Variants in PCSK2 observed in about 807,000 individuals in gnomAD.
PCSK2 encodes neuroendocrine convertase 2.
Under a neutral mutation model 69.7 loss-of-function variants are expected in PCSK2, and 14 were observed. That is an observed-to-expected ratio of 0.20 (90% CI 0.13 to 0.31). The LOEUF (loss-of-function observed/expected upper bound fraction) is 0.31, where lower values mean the gene tolerates loss of function less well. Ranked by LOEUF, PCSK2 falls within the 10% of genes least tolerant of loss-of-function variation. The pLI, the probability that PCSK2 is intolerant of heterozygous loss-of-function variation, is 1.00. For synonymous variants in PCSK2, 307 were observed against 320.7 expected, an observed-to-expected ratio of 0.96 and a Z score of 0.46; for missense variants, 544 against 842.5, an observed-to-expected ratio of 0.65 and a Z score of 4.39.
At chr20:17,245,222 A>G (rs1031220340) in intron 1 of PCSK2, among the ~76,000 whole-genome samples, 25 of 152,236 alleles carry the variant, frequency 1.6e-4, no homozygotes, top group African/African-American at 5.8e-4. Flanking sequence ...CTGAGATTCT[A>G]TGAAGTGCAC....
intron 2 of PCSK2, among the ~76,000 whole-genome samples, chr20:17,299,738 T>C (rs1339183898): frequency 6.6e-6 from 1 of 152,208 alleles, no homozygotes; most frequent in Non-Finnish European, 1.5e-5. Flanking sequence ...TCACATAATC[T>C]GCCATTCTTC....
intron 2 of PCSK2, among the ~76,000 whole-genome samples, chr20:17,274,907 C>CA (rs1356917232): frequency 6.6e-6 from 1 of 152,022 alleles, no homozygotes; most frequent in East Asian, 1.9e-4. Context: ...CAAGACACTA[C>CA]ACCCCAGCAG....
intron 5 of PCSK2, among the ~76,000 whole-genome samples, chr20:17,394,481 G>C (rs1049989644): frequency 6.6e-6 from 1 of 152,182 alleles, no homozygotes; most frequent in African/African-American, 2.4e-5. Flanking sequence ...GGATGGAAAA[G>C]TGAGGGACAT....
chr20:17,333,919 A>AGATTTGTG (rs1464616481), intron 2 of PCSK2, among the ~76,000 whole-genome samples: 1 of 135,920 alleles, frequency 7.4e-6, no homozygotes, highest in African/African-American at 2.6e-5. Context: ...GCATATATAT[A>AGATTTGTG]TATATATATA....
At chr20:17,362,894 T>C (rs1218759150) in intron 4 of PCSK2, among the ~76,000 whole-genome samples, 1 of 152,214 alleles carries the variant, frequency 6.6e-6, no homozygotes, top group Non-Finnish European at 1.5e-5. Context: ...GCTCCCCACA[T>C]GGTGAGGACA....
intron 5 of PCSK2, among the ~76,000 whole-genome samples, chr20:17,403,583 A>G (rs996787521): frequency 1.3e-5 from 2 of 152,216 alleles, no homozygotes; most frequent in Non-Finnish European, 2.9e-5. Context: ...TTTCTCTTTC[A>G]TTAGTCCATG....
chr20:17,311,844 TCTTTCC>T (rs1421024152), intron 2 of PCSK2, among the ~76,000 whole-genome samples: 2 of 152,114 alleles, frequency 1.3e-5, no homozygotes, highest in Non-Finnish European at 2.9e-5. Flanking sequence ...GGAATAATTC[TCTTTCC>T]CTTTCCCTAC....
intron 1 of PCSK2, 114 bp from the exon 2 acceptor site, chr20:17,260,126 C>T (rs1204555954): frequency 2.7e-5 from 19 of 699,294 alleles, no homozygotes; most frequent in South Asian, 3.2e-5. Context: ...CAGTGGTTTC[C>T]TTGCATACTT....
At chr20:17,449,545 T>TATATATATA (rs1394693452) in intron 8 of PCSK2, among the ~76,000 whole-genome samples, 3 of 149,792 alleles carry the variant, frequency 2.0e-5, no homozygotes, top group East Asian at 2.0e-4. Context: ...TATATGTATA[T>TATATATATA]TTGAGACTGA....
At chr20:17,394,365 A>G (rs994191363) in intron 5 of PCSK2, among the ~76,000 whole-genome samples, 19 of 152,204 alleles carry the variant, frequency 1.2e-4, no homozygotes, top group Non-Finnish European at 2.4e-4. Flanking sequence ...TCCTTGAACC[A>G]CTTGGAGAGA....
rs1175701022 is a variant in PCSK2 at position 17,339,895 on chromosome 20, G to A, written c.283-18432G>A. Among the ~76,000 whole-genome samples, 3 of 152,178 alleles carry A rather than the reference G, an allele frequency of 2.0e-5. No individual in the cohort carries two copies. In the East Asian group the frequency reaches 5.8e-4, roughly 29 times the overall value. On this transcript the variant is annotated intron_variant, in intron 2 of 11. Transcript: ENST00000262545. ...TAGATTACAGTGAACACTAGCAATG[G>A]ACATGTCATAAGTTAATGCTTTGAC...
chr20:17,334,700 G>C (rs1373490505), intron 2 of PCSK2, among the ~76,000 whole-genome samples: 1 of 152,200 alleles, frequency 6.6e-6, no homozygotes, highest in Non-Finnish European at 1.5e-5. Context: ...TGCTCTGAGA[G>C]AAGTAGAAGA....
intron 1 of PCSK2, among the ~76,000 whole-genome samples, chr20:17,259,637 G>A (rs904495241): frequency 2.0e-5 from 3 of 152,188 alleles, no homozygotes; most frequent in African/African-American, 7.2e-5. Flanking sequence ...TTCTCTGACT[G>A]GTTCTGACCT....
At chr20:17,267,111 C>G (rs1177377580) in intron 2 of PCSK2, among the ~76,000 whole-genome samples, 1 of 152,134 alleles carries the variant, frequency 6.6e-6, no homozygotes, top group African/African-American at 2.4e-5. Context: ...CCCAATCCAG[C>G]TCCCCATCCA....
rs966956520 is a variant in PCSK2, at chr20:17,413,294, G to A, written c.620+3955G>A. 1.1e-4 allele frequency among the ~76,000 whole-genome samples: 17 copies of A among 152,124 alleles called. No homozygotes were observed. The East Asian group carries it at 1.7e-3, about 16-fold the overall frequency. On this transcript the variant is annotated intron_variant, in intron 6 of 11. Coordinates refer to ENST00000262545, the MANE Select transcript of PCSK2 (RefSeq NM_002594.5). The stretch of plus-strand genomic sequence containing the variant: ...GCTGTATTCAGGAGACCCATCTCAC[G>A]TGCGGAGACACATATAGGCTCAAAA...
intron 2 of PCSK2, among the ~76,000 whole-genome samples, chr20:17,343,192 A>G (rs1318444057): frequency 6.6e-6 from 1 of 152,242 alleles, no homozygotes; most frequent in African/African-American, 2.4e-5. Context: ...CTGTAGCTGA[A>G]CTTCATACAA....
chr20:17,453,604 T>C lies in PCSK2; in HGVS notation c.886-138T>C. On this transcript the variant is annotated intron_variant, in intron 8 of 11. Transcript: ENST00000262545. The surrounding 1 kb of genome is among the most constrained non-coding windows in gnomAD (Gnocchi z 4.0). ...ACAATGCCCTGCCAGAAGGATATGG[T>C]GTCCAACCCAGTTTAAAAAGTGCAC... is the stretch of plus-strand genomic sequence containing the variant. The C allele has an allele frequency of 2.7e-6, 2 of 741,416 alleles. No homozygotes were observed. The highest frequency in any genetic ancestry group is 2.7e-5 in the East Asian group (1 of 36,440). The allele number at this position is 741,416 out of a possible 1,614,324, so 45.9% of individuals were successfully genotyped here. A position where few individuals can be genotyped will look rare whatever the true frequency, so the allele number is the denominator to read the frequency against.
At chr20:17,377,216 T>C (rs2123244838) in intron 5 of PCSK2, among the ~76,000 whole-genome samples, 1 of 152,370 alleles carries the variant, frequency 6.6e-6, no homozygotes, top group South Asian at 2.1e-4. Flanking sequence ...CAAATTATGT[T>C]CTTTGGTTCC....
At chr20:17,479,300 G>C (rs745417644) in intron 11 of PCSK2, 20 of 856,946 alleles carry the variant, frequency 2.3e-5, no homozygotes, top group Non-Finnish European at 3.8e-5. Context: ...CTATGCTTGC[G>C]GTCCACTGGT....
Sources: allele counts gnomAD v4.1 joint callset (sites outside exome capture counted in the v4.1 genomes callset), GRCh38; gene constraint gnomAD v4.1.1; non-coding constraint Gnocchi (gnomAD v3.1); transcripts MANE v1.5; gene names NCBI Gene and HGNC (gene_info 2026-07-23, HGNC 2026-07-21).